The following PTCH2 variants were observed in gnomAD, a reference collection of about 807,000 sequenced individuals.
The protein encoded by PTCH2 is protein patched homolog 2.
A neutral mutation model predicts 117.9 loss-of-function variants in PTCH2; 96 were observed. That is an observed-to-expected ratio of 0.81 (90% CI 0.69 to 0.96). The LOEUF is 0.96. PTCH2 is among the 50% of genes least tolerant of loss of function. The pLI, the probability that PTCH2 is intolerant of heterozygous loss-of-function variation, is 0.00. For missense variants in PTCH2, 1,379 were observed against 1,562.5 expected (o/e 0.88, Z 1.98); for synonymous variants, 615 against 660.9 (o/e 0.93, Z 1.06).
chr1:44,826,904 C>G lies in PTCH2; in HGVS notation c.2693G>C (p.Arg898Pro). 9 of 1,613,934 alleles carry G rather than the reference C, an allele frequency of 5.6e-6. No homozygotes were observed. In the South Asian group the frequency reaches 9.9e-5, roughly 18 times the overall value. Reference sequence around the variant, plus strand: ...GCCGAGCTCCCCCCAAGACTCACTGCGAAGGTTCTCCCCCGTGGTGTCGTA... The same window carrying G: ...GCCGAGCTCCCCCCAAGACTCACTGGGAAGGTTCTCCCCCGTGGTGTCGTA... ...DKYDTTGENL[R>P]IPPAQPLEFA... Residue 898 changes from arginine (R) to proline (P), a missense_variant and splice_region_variant, in exon 17 of 22, where the codon CGC (arginine) becomes CCC (proline). Transcript: ENST00000372192. This position sits in a 1 kb window ranked among gnomAD's most constrained non-coding sequence, Gnocchi z 5.1.
chr1:44,826,378 G>A lies in PTCH2; in HGVS notation c.2986C>T (p.Leu996=), dbSNP rs2148873803. 1 of 1,614,140 alleles carries A rather than the reference G, an allele frequency of 6.2e-7. No homozygotes were observed. The highest frequency in any genetic ancestry group is 8.5e-7 in the Non-Finnish European group (1 of 1,180,046). The change falls in exon 19 of 22, where the codon CTG becomes TTG. Residue 996 remains leucine (L), a synonymous_variant. Transcript: ENST00000372192. This position sits in a 1 kb window ranked among gnomAD's most constrained non-coding sequence, Gnocchi z 5.1. ...PWTAGLIVLV[L]AMMTVELFGI... Reference sequence around the variant, plus strand: ...AAGAGTTCCACTGTCATCATCGCCAGGACCAGCACCTGAGGGAGACAGGGC... The same window carrying A: ...AAGAGTTCCACTGTCATCATCGCCAAGACCAGCACCTGAGGGAGACAGGGC...
At chr1:44,833,617 T>C (rs931661463) in intron 2 of PTCH2, among the ~76,000 whole-genome samples, 2 of 151,306 alleles carry the variant, frequency 1.3e-5, no homozygotes, top group African/African-American at 4.9e-5. Context: ...TTAAATTTTT[T>C]GTAGAGACGA....
Position 44,829,237 on chromosome 1 carries a change from G to A in PTCH2, c.1291C>T (p.Leu431=), listed in dbSNP as rs2148877246. ...GAGGCCACCGCCAGGGCCACCAGCA[G>A]TACCCCGGCAAGGCCCACGGAACCC... is the stretch of plus-strand genomic sequence containing the variant. ...SQGSVGLAGV[L]LVALAVASGL... is the part of the protein sequence containing the mutation. The change falls in exon 10 of 22, where the codon CTG becomes TTG. Residue 431 remains leucine (L), a synonymous_variant. Coordinates refer to ENST00000372192, the MANE Select transcript of PTCH2 (RefSeq NM_003738.5). The A allele has an allele frequency of 6.2e-7, 1 of 1,613,560 alleles. No individual in the cohort carries two copies.
At chr1:44,821,065 G>A (rs1361732226), downstream of PTCH2, among the ~76,000 whole-genome samples, 1 of 152,130 alleles carries the variant, frequency 6.6e-6, no homozygotes, top group African/African-American at 2.4e-5. Context: ...TCCAGGTGGG[G>A]TGGGATGTGA....
Position 44,828,629 on chromosome 1 carries a change from C to A in PTCH2, c.1467G>T (p.Glu489Asp). The change falls in exon 12 of 22, where the codon GAG becomes GAT. Residue 489 changes from glutamate to aspartate, a missense_variant and splice_region_variant. By Grantham distance (45) the Glu-to-Asp change is conservative. Transcript: ENST00000372192. The part of the protein sequence containing the change: ...TEALPGTPLQ[E>D]RMGECLQRTG... Reference sequence around the variant, plus strand: ...TGCGCTGCAGACACTCGCCCATGCGCTCCTGCCAGGACAGAGTGGGGACCT... The same window carrying A: ...TGCGCTGCAGACACTCGCCCATGCGATCCTGCCAGGACAGAGTGGGGACCT... 6.2e-7 allele frequency: 1 copy of A among 1,612,172 alleles called. No homozygotes were observed. The highest frequency in any genetic ancestry group is 1.3e-5 in the African/African-American group (1 of 75,010).
In PTCH2 at chr1:44,827,126, G is replaced by A. The variant is rs762789602; in HGVS notation, c.2514+41C>T. The A allele has an allele frequency of 1.7e-5, 27 of 1,613,810 alleles. No homozygotes were observed. The South Asian group carries it at 2.3e-4, about 14-fold the overall frequency. On this transcript the variant is annotated intron_variant, in intron 16 of 21. Coordinates refer to ENST00000372192, the MANE Select transcript of PTCH2 (RefSeq NM_003738.5). Reference sequence around the variant, plus strand: ...CTGAAGGCCTGGGCCCAGGAGGCCTGCAGCCCCTGTACTAGTGGACCCCTC... The same window carrying A: ...CTGAAGGCCTGGGCCCAGGAGGCCTACAGCCCCTGTACTAGTGGACCCCTC...
intron 2 of PTCH2, among the ~76,000 whole-genome samples, chr1:44,841,289 CAA>C (rs1653939054): frequency 6.6e-6 from 1 of 151,608 alleles, no homozygotes; most frequent in Admixed American, 6.6e-5. Context: ...GCTATTGCCT[CAA>C]AGTGTGGATT....
At position 44,834,276 on chromosome 1, in the gene PTCH2, C is replaced by T. The variant is rs185710815; in HGVS notation, c.266-1935G>A. Among the ~76,000 whole-genome samples, 1,233 of 152,224 alleles carry T rather than the reference C, an allele frequency of 8.1e-3. 9 individuals carry two copies. Among genetic ancestry groups the T allele is most frequent in the Non-Finnish European group, 0.012 (812 of 68,014 alleles). ...TTGGGATTACAGGTGCCTGCCACTA[C>T]GCCTGGCTAATTTTTATATTATTAG... is the stretch of plus-strand genomic sequence containing the variant. On this transcript the variant is annotated intron_variant, in intron 2 of 21. Coordinates refer to ENST00000372192, the MANE Select transcript of PTCH2 (RefSeq NM_003738.5).
intron 19 of PTCH2, among the ~76,000 whole-genome samples, chr1:44,824,255 G>C (rs1370677026): frequency 6.6e-6 from 1 of 152,162 alleles, no homozygotes; most frequent in African/African-American, 2.4e-5. Flanking sequence ...CTTTCTGCAT[G>C]CTGGCTTTGT....
chr1:44,820,652 G>C (rs1264815042), downstream of PTCH2: 1 of 714,414 alleles, frequency 1.4e-6, no homozygotes, highest in East Asian at 2.7e-5. Context: ...GGCGCTCCGT[G>C]TGTCTGATGA....
At chr1:44,837,273 T>C (rs1486888898) in intron 2 of PTCH2, among the ~76,000 whole-genome samples, 4 of 152,104 alleles carry the variant, frequency 2.6e-5, no homozygotes, top group Non-Finnish European at 5.9e-5. Context: ...ATATATTTTT[T>C]TGAGACAGAG....
In PTCH2 at chr1:44,828,313, C is replaced by T. The variant is rs2148876212; in HGVS notation, c.1692G>A (p.Val564=). ...LRRRHCQRLD[V]LCCFSSPCSA... ...GGCAGTACCTGGAGAAGCAGCAGAG[C>T]ACATCAAGGCGCTGGCAGTGGCGCC... The change falls in exon 13 of 22, where the codon GTG becomes GTA. Residue 564 remains valine (V), a synonymous_variant. Transcript: ENST00000372192. The T allele has an allele frequency of 6.8e-6, 11 of 1,613,980 alleles. No individual in the cohort carries two copies. The highest frequency in any genetic ancestry group is 8.5e-6 in the Non-Finnish European group (10 of 1,179,900).
In PTCH2 at chr1:44,831,894, A is replaced by C. The variant is rs1212769127; in HGVS notation, c.525+81T>G. 5.1e-6 allele frequency: 8 copies of C among 1,573,888 alleles called. No individual in the cohort carries two copies. In the South Asian group the frequency reaches 7.8e-5, roughly 15 times the overall value. On this transcript the variant is annotated intron_variant, in intron 4 of 21. Coordinates refer to ENST00000372192, the MANE Select transcript of PTCH2 (RefSeq NM_003738.5). This position sits in a 1 kb window ranked among gnomAD's most constrained non-coding sequence, Gnocchi z 4.3. ...CCTTAGTTTTAAGGGGGCAGATTGC[A>C]GGCTGTGGGGCTTGCTCGGTCTCTG...
In PTCH2 at chr1:44,831,998, T is replaced by C; in HGVS notation, c.502A>G (p.Ile168Val). 1 of 1,613,094 alleles carries C rather than the reference T, an allele frequency of 6.2e-7. No individual in the cohort carries two copies. The highest frequency in any genetic ancestry group is 8.5e-7 in the Non-Finnish European group (1 of 1,179,126). Residue 168 changes from isoleucine (I) to valine (V), a missense_variant, in exon 4 of 22, where the codon ATT becomes GTT. Ile to Val is a conservative substitution (Grantham distance 29). Transcript: ENST00000372192. This position sits in a 1 kb window ranked among gnomAD's most constrained non-coding sequence, Gnocchi z 4.3. ...ACCCGCTCAATCATTCCATTTTCAA[T>C]AAGGGGAACTCCTGACTTGTAGCAG... ...KICYKSGVPLIENGMIERMIE... is the reference protein window; with the variant it reads ...KICYKSGVPLVENGMIERMIE...
chr1:44,835,563 C>A (rs184207957), intron 2 of PTCH2, among the ~76,000 whole-genome samples: 212 of 152,294 alleles, frequency 1.4e-3, no homozygotes, highest in Non-Finnish European at 2.4e-3. Context: ...ATATGGTACA[C>A]TCTTCGGGGG....
At position 44,829,965 on chromosome 1, in the gene PTCH2, C is replaced by A. The variant is rs1573649987; in HGVS notation, c.879G>T (p.Trp293Cys). The A allele has an allele frequency of 6.2e-7, 1 of 1,614,160 alleles. No individual in the cohort carries two copies. The highest frequency in any genetic ancestry group is 1.3e-5 in the African/African-American group (1 of 75,056). Residue 293 changes from tryptophan to cysteine, a missense_variant, in exon 7 of 22, where the codon TGG becomes TGT. By Grantham distance (215) the Trp-to-Cys change is radical. Transcript: ENST00000372192. The stretch of plus-strand genomic sequence containing the variant: ...TGCCTCCCAGCAGCAATTCCTCCTG[C>A]CAGTGCATGAATTTGTGGGAGAAGC... ...CHGFSHKFMHWQEELLLGGMA... is the reference protein window; with the variant it reads ...CHGFSHKFMHCQEELLLGGMA...
Position 44,828,327 on chromosome 1 carries a change from G to A in PTCH2, c.1678C>T (p.Gln560Ter). 6.2e-7 allele frequency: 1 copy of A among 1,614,052 alleles called. No individual in the cohort carries two copies. The change falls in exon 13 of 22, where the codon CAG (glutamine) becomes TAG (stop). Residue 560 changes from glutamine (Q) to a stop codon, truncating the protein, a stop_gained. Transcript: ENST00000372192. LOFTEE classifies it high-confidence loss of function. ...LSLDLRRRHC[Q>*]RLDVLCCFSS... ...AAGCAGCAGAGCACATCAAGGCGCT[G>A]GCAGTGGCGCCGCCGTAGGTCCAGG...
In PTCH2 at chr1:44,841,866, C is replaced by G. The variant is rs1182782050; in HGVS notation, c.246G>C (p.Leu82Phe). 1 of 1,614,082 alleles carries G rather than the reference C, an allele frequency of 6.2e-7. No homozygotes were observed. The highest frequency in any genetic ancestry group is 1.3e-5 in the African/African-American group (1 of 74,936). ...ACTTACCTTCTACCCAGAGCTGTTC[C>G]AAGTTTGTCTCAATAATGGCCATGC... ...GLRMAIIETN[L>F]EQLWVEVGSR... The change falls in exon 2 of 22, where the codon TTG becomes TTC. Residue 82 changes from leucine to phenylalanine, a missense_variant. Coordinates refer to ENST00000372192, the MANE Select transcript of PTCH2 (RefSeq NM_003738.5).
chr1:44,830,759 G>T, intron 6 of PTCH2, 89 bp downstream of exon 6: 1 of 1,347,654 alleles, frequency 7.4e-7, no homozygotes, highest in Non-Finnish European at 1.0e-6. Context: ...TCAGGGCACA[G>T]AGCAGTCAGC....
Sources: gnomAD v4.1 joint callset for allele counts (sites outside exome capture counted in the v4.1 genomes callset) on GRCh38, gnomAD v4.1.1 for gene constraint, Gnocchi (gnomAD v3.1) non-coding constraint, MANE v1.5 for transcripts, NCBI Gene and HGNC (gene_info 2026-07-23, HGNC 2026-07-21) for gene names.